Variants in PRRC2B observed in about 807,000 individuals in gnomAD.
The protein encoded by PRRC2B is protein PRRC2B.
Under a neutral mutation model 242.3 loss-of-function variants are expected in PRRC2B, and 68 were observed. The observed-to-expected ratio is 0.28, with a 90% CI of 0.23 to 0.34. The LOEUF is 0.34. Ranked by LOEUF, PRRC2B falls within the 10% of genes least tolerant of loss-of-function variation. PRRC2B has a pLI of 1.00. For missense variants in PRRC2B, 2,835 were observed against 2,954.8 expected (o/e 0.96, Z 0.94); for synonymous variants, 1,228 against 1,173.6 (o/e 1.05, Z -0.95).
At chr9:131,407,871 G>A (rs1837407047) in intron 1 of PRRC2B, among the ~76,000 whole-genome samples, 1 of 152,160 alleles carries the variant, frequency 6.6e-6, no homozygotes, top group Non-Finnish European at 1.5e-5. Flanking sequence ...GCAAATAGGG[G>A]GTGATAGTAA....
chr9:131,377,139 G>A (rs780373198), intron 1 of PRRC2B, among the ~76,000 whole-genome samples: 6 of 150,880 alleles, frequency 4.0e-5, no homozygotes, highest in Non-Finnish European at 7.4e-5. Context: ...TTTTTGAGAC[G>A]GAGTCTCGCT....
At chr9:131,399,051 G>A (rs189826936) in intron 1 of PRRC2B, among the ~76,000 whole-genome samples, 73 of 151,956 alleles carry the variant, frequency 4.8e-4, no homozygotes, top group African/African-American at 1.6e-3. Flanking sequence ...CGAGGTGGGC[G>A]GATCACCTGA....
intron 2 of PRRC2B, among the ~76,000 whole-genome samples, chr9:131,431,307 T>C (rs567975644): frequency 6.6e-6 from 1 of 151,998 alleles, no homozygotes; most frequent in Middle Eastern, 3.4e-3. Context: ...ATTTTTTGTA[T>C]TTTTAGTAGA....
rs756030282 is a variant in PRRC2B, at chr9:131,447,717, G to C, written c.1033G>C (p.Glu345Gln). Residue 345 changes from glutamate (E) to glutamine (Q), a missense_variant, in exon 9 of 32, where the codon GAG becomes CAG. Glu to Gln is a conservative substitution (Grantham distance 29). Coordinates refer to ENST00000683519, the MANE Select transcript of PRRC2B (RefSeq NM_013318.4). Reference sequence around the variant, plus strand: ...ACTCCGCCCACTAAGGCAGCTGGTGGAGCGGGCACCACGGCCCACCATTAT... The same window carrying C: ...ACTCCGCCCACTAAGGCAGCTGGTGCAGCGGGCACCACGGCCCACCATTAT... ...RPLRPLRQLV[E>Q]RAPRPTIINA... is the part of the protein sequence containing the mutation. The C allele has an allele frequency of 6.2e-6, 10 of 1,613,416 alleles. No homozygotes were observed. Among genetic ancestry groups the C allele is most frequent in the Non-Finnish European group, 7.6e-6 (9 of 1,179,644 alleles).
chr9:131,475,038 G>A lies in PRRC2B; in HGVS notation c.2909G>A (p.Ser970Asn), dbSNP rs1225198826. ...ATTAAGCAGGAGCTAGGGGAGGAGA[G>A]TACCCGGCTGGCCAAGGAGAAGGAG... ...EKIKQELGEE[S>N]TRLAKEKEQS... is the part of the protein sequence containing the mutation. The change falls in exon 16 of 32, where the codon AGT becomes AAT. Residue 970 changes from serine to asparagine, a missense_variant. Around this residue, in one of 7 missense-constraint regions of PRRC2B, gnomAD observed 1,536 missense variants for 1,483.1 expected, o/e 1.04. Transcript: ENST00000683519. 3 of 1,607,712 alleles carry A rather than the reference G, an allele frequency of 1.9e-6. No homozygotes were observed.
intron 1 of PRRC2B, among the ~76,000 whole-genome samples, chr9:131,403,898 T>C (rs1837290070): frequency 6.6e-6 from 1 of 152,182 alleles, no homozygotes; most frequent in South Asian, 2.1e-4. Context: ...TTTCCATACG[T>C]ATTTTTAAGC....
intron 1 of PRRC2B, among the ~76,000 whole-genome samples, chr9:131,414,581 T>G (rs1837594239): frequency 6.7e-6 from 1 of 149,660 alleles, no homozygotes; most frequent in Non-Finnish European, 1.5e-5. Flanking sequence ...GGCTTTTTTT[T>G]TTTTTGGAGA....
At chr9:131,492,801 T>C (rs979523132) in intron 30 of PRRC2B, among the ~76,000 whole-genome samples, 4 of 152,232 alleles carry the variant, frequency 2.6e-5, no homozygotes, top group Non-Finnish European at 5.9e-5. Flanking sequence ...TCCCCTTAGC[T>C]GGATACTCAG....
Position 131,487,940 on chromosome 9 carries a change from G to A in PRRC2B, c.6069G>A (p.Ser2023=), listed in dbSNP as rs776847911. Residue 2023 remains serine (S), a synonymous_variant, in exon 28 of 32, where the codon TCG becomes TCA. Coordinates refer to ENST00000683519, the MANE Select transcript of PRRC2B (RefSeq NM_013318.4). The surrounding 1 kb of genome is among the most constrained non-coding windows in gnomAD (Gnocchi z 5.3). ...SGGTALKPPY[S]AFPGMQPLEM... is the part of the protein sequence containing the mutation. ...GCACAGCCTTGAAGCCTCCATACTCGGCGTTCCCAGGCATGCAGCCCTTGG... is the reference window on the plus strand; with the variant it reads ...GCACAGCCTTGAAGCCTCCATACTCAGCGTTCCCAGGCATGCAGCCCTTGG... 8 of 1,613,544 alleles carry A rather than the reference G, an allele frequency of 5.0e-6. No individual in the cohort carries two copies. The highest frequency in any genetic ancestry group is 2.2e-5 in the East Asian group (1 of 44,864).
intron 16 of PRRC2B, 85 bp from the exon 17 acceptor site, chr9:131,477,659 C>G: frequency 1.2e-6 from 1 of 810,726 alleles, no homozygotes; most frequent in Non-Finnish European, 2.0e-6. Context: ...GATCAGGGTG[C>G]CGGGCTTGTG....
chr9:131,455,097 A>T lies in PRRC2B; in HGVS notation c.1142A>T (p.Tyr381Phe). 1 of 1,613,704 alleles carries T rather than the reference A, an allele frequency of 6.2e-7. No individual in the cohort carries two copies. Among genetic ancestry groups the T allele is most frequent in the Non-Finnish European group, 8.5e-7 (1 of 1,179,752 alleles). ...GTAGGCCTCCATGAAGAAGTGGACT[A>T]TTCTGAGAAACTGAAGTTCAGTGAT... Reference protein sequence around the residue: ...GWAGLHEEVDYSEKLKFSDDE... With the variant: ...GWAGLHEEVDFSEKLKFSDDE... The change falls in exon 10 of 32, where the codon TAT (tyrosine) becomes TTT (phenylalanine). Residue 381 changes from tyrosine (Y) to phenylalanine (F), a missense_variant. Physicochemically the swap from Tyr to Phe is conservative, Grantham distance 22. Around this residue, in one of 7 missense-constraint regions of PRRC2B, gnomAD observed 626 missense variants for 685.5 expected, o/e 0.91. Transcript: ENST00000683519.
Position 131,473,674 on chromosome 9 carries a change from G to T in PRRC2B, c.2274G>T (p.Pro758=). ...GYMALQSKGY[P]LPHPKSSDTL... Reference sequence around the variant, plus strand: ...TGGCACTGCAGAGCAAGGGCTACCCGCTCCCGCACCCGAAGTCGAGTGACA... The same window carrying T: ...TGGCACTGCAGAGCAAGGGCTACCCTCTCCCGCACCCGAAGTCGAGTGACA... Residue 758 remains proline (P), a synonymous_variant, in exon 15 of 32, where the codon CCG becomes CCT. Coordinates refer to ENST00000683519, the MANE Select transcript of PRRC2B (RefSeq NM_013318.4). The T allele has an allele frequency of 6.2e-7, 1 of 1,613,742 alleles. No homozygotes were observed. The highest frequency in any genetic ancestry group is 8.5e-7 in the Non-Finnish European group (1 of 1,179,844).
At chr9:131,413,747 C>T (rs1201942698) in intron 1 of PRRC2B, among the ~76,000 whole-genome samples, 1 of 152,190 alleles carries the variant, frequency 6.6e-6, no homozygotes, top group Non-Finnish European at 1.5e-5. Flanking sequence ...TCTTGGCTCA[C>T]TGCAACCTCT....
intron 28 of PRRC2B, chr9:131,490,691 C>T (rs1944166420): frequency 6.4e-6 from 3 of 471,128 alleles, no homozygotes; most frequent in South Asian, 4.6e-5. Flanking sequence ...ACCCTGTTCT[C>T]CTGTCAGCAT....
chr9:131,465,142 T>C (rs2131423975), intron 12 of PRRC2B, 64 bp downstream of exon 12: 4 of 1,455,340 alleles, frequency 2.7e-6, no homozygotes, highest in South Asian at 1.4e-5. Context: ...TCTTGTTACT[T>C]GCAACTGCCT....
At position 131,482,767 on chromosome 9, in the gene PRRC2B, G is replaced by A; in HGVS notation, c.5233G>A (p.Glu1745Lys). ...GCACAGACCAGGACCCATCGGCAAC[G>A]AGCGTTCTCTGAAAAACAGAAAGGG... is the stretch of plus-strand genomic sequence containing the variant. ...KEHRPGPIGN[E>K]RSLKNRKGSE... Residue 1745 changes from glutamate (E) to lysine (K), a missense_variant, in exon 22 of 32, where the codon GAG (glutamate) becomes AAG (lysine). This residue lies in a region of PRRC2B where 7 missense variants were observed against 23.4 expected (regional missense o/e 0.30). Coordinates refer to ENST00000683519, the MANE Select transcript of PRRC2B (RefSeq NM_013318.4). The surrounding 1 kb of genome is among the most constrained non-coding windows in gnomAD (Gnocchi z 5.2). 1.2e-6 allele frequency: 2 copies of A among 1,612,130 alleles called. No individual in the cohort carries two copies. Among genetic ancestry groups the A allele is most frequent in the Non-Finnish European group, 1.7e-6 (2 of 1,179,048 alleles).
intron 1 of PRRC2B, among the ~76,000 whole-genome samples, chr9:131,408,333 G>T (rs907578197): frequency 9.8e-5 from 15 of 152,342 alleles, no homozygotes; most frequent in Admixed American, 9.8e-4. Flanking sequence ...AGCATGTAAA[G>T]ATACATGTAC....
Position 131,484,683 on chromosome 9 carries a change from C to T in PRRC2B, c.5461-3C>T, listed in dbSNP as rs1943965965. On this transcript the variant is annotated splice_region_variant and splice_polypyrimidine_tract_variant and intron_variant, in intron 23 of 31. Transcript: ENST00000683519. ...TCCATGGTTTCCTTTTCCTCCTCTC[C>T]AGGCAGGGTTAACACAGAGTATCCC... 6.3e-7 allele frequency: 1 copy of T among 1,595,874 alleles called. No individual in the cohort carries two copies. Among genetic ancestry groups the T allele is most frequent in the East Asian group, 2.2e-5 (1 of 44,696 alleles).
intron 1 of PRRC2B, among the ~76,000 whole-genome samples, chr9:131,396,090 A>C (rs1382420908): frequency 1.3e-5 from 2 of 152,226 alleles, no homozygotes; most frequent in Non-Finnish European, 2.9e-5. Context: ...TTGCATCTGT[A>C]AAATGGGAAT....
Sources: gnomAD v4.1 joint callset for allele counts (sites outside exome capture counted in the v4.1 genomes callset) on GRCh38, gnomAD v4.1.1 for gene constraint, gnomAD v4.1.1 regional missense constraint, Gnocchi (gnomAD v3.1) non-coding constraint, MANE v1.5 for transcripts, NCBI Gene and HGNC (gene_info 2026-07-23, HGNC 2026-07-21) for gene names.